DHRS3: variants seen among roughly 807,000 people sequenced by gnomAD.
DHRS3 encodes the protein short-chain dehydrogenase/reductase 3.
A neutral mutation model predicts 27.2 loss-of-function variants in DHRS3; 14 were observed. The ratio of observed to expected loss-of-function variants is 0.52; its 90% CI spans 0.34 to 0.81. The LOEUF (loss-of-function observed/expected upper bound fraction) is 0.81, where lower values mean the gene tolerates loss of function less well. Ranked by LOEUF, DHRS3 falls within the 30% of genes least tolerant of loss-of-function variation. DHRS3 has a pLI of 0.01. For synonymous variants in DHRS3, 165 were observed against 175.9 expected, an observed-to-expected ratio of 0.94 and a Z score of 0.49; for missense variants, 322 against 406.2, an observed-to-expected ratio of 0.79 and a Z score of 1.78.
intron 1 of DHRS3, among the ~76,000 whole-genome samples, chr1:12,610,595 C>T (rs758176678): frequency 1.5e-4 from 23 of 152,086 alleles, no homozygotes; most frequent in African/African-American, 2.9e-4. Flanking sequence ...TTTGCTAACC[C>T]GGCACTTTCT....
Position 12,593,931 on chromosome 1 carries a change from G to T in DHRS3, c.196-13265C>A, listed in dbSNP as rs982304026. 6.6e-6 allele frequency among the ~76,000 whole-genome samples: 1 copy of T among 152,214 alleles called. No individual in the cohort carries two copies. Among genetic ancestry groups the T allele is most frequent in the Admixed American group, 6.5e-5 (1 of 15,286 alleles). Reference sequence around the variant, plus strand: ...CCCCAGCCTACAAGACTGGCCAGGGGCTCCACCTCCATCTGACTGCCCAGG... The same window carrying T: ...CCCCAGCCTACAAGACTGGCCAGGGTCTCCACCTCCATCTGACTGCCCAGG... On this transcript the variant is annotated intron_variant, in intron 1 of 5. Transcript: ENST00000616661. The surrounding 1 kb of genome is among the most constrained non-coding windows in gnomAD (Gnocchi z 4.6).
At chr1:12,577,287 C>A (rs1436748839) in intron 4 of DHRS3, among the ~76,000 whole-genome samples, 1 of 152,212 alleles carries the variant, frequency 6.6e-6, no homozygotes, top group African/African-American at 2.4e-5. Flanking sequence ...ATATGTACCA[C>A]ACACGGTGTT....
intron 1 of DHRS3, among the ~76,000 whole-genome samples, chr1:12,610,768 T>A (rs1646904000): frequency 6.6e-6 from 1 of 152,256 alleles, no homozygotes; most frequent in South Asian, 2.1e-4. Flanking sequence ...GTGGTTCATC[T>A]GAATAATATG....
At chr1:12,602,750 G>T (rs1471218130) in intron 1 of DHRS3, among the ~76,000 whole-genome samples, 3 of 152,222 alleles carry the variant, frequency 2.0e-5, no homozygotes, top group Admixed American at 6.5e-5. Context: ...GCCCAGAGAG[G>T]GTTGCTCGCC....
chr1:12,602,955 C>T (rs559005616), intron 1 of DHRS3, among the ~76,000 whole-genome samples: 11 of 152,366 alleles, frequency 7.2e-5, no homozygotes, highest in Admixed American at 5.9e-4. Context: ...GTTGTCAAGG[C>T]ACACTCTCCC....
intron 1 of DHRS3, among the ~76,000 whole-genome samples, chr1:12,581,889 T>C (rs568832495): frequency 6.6e-6 from 1 of 152,350 alleles, no homozygotes; most frequent in Non-Finnish European, 1.5e-5. Flanking sequence ...GGTGGGCTTC[T>C]ATTTTTGTTT....
In DHRS3 at chr1:12,580,295, G is replaced by A. The variant is rs188448031; in HGVS notation, c.339+228C>T. 8.1e-4 allele frequency: 468 copies of A among 576,974 alleles called. 2 individuals are homozygous for A. In the East Asian group the frequency reaches 0.015, roughly 18 times the overall value. 35.7% of individuals were successfully genotyped at this position (576,974 alleles called of 1,614,324 possible). A position where few individuals can be genotyped will look rare whatever the true frequency, so the allele number is the denominator to read the frequency against. ...ACAGTCCTGGAGAGAAACCCACACG[G>A]TCTACATTTCCAAGGGAACAACAGA... On this transcript the variant is annotated intron_variant, in intron 2 of 5. Transcript: ENST00000616661.
In DHRS3 at chr1:12,574,613, C is replaced by T. The variant is rs1646569331; in HGVS notation, c.699-1760G>A. On this transcript the variant is annotated intron_variant, in intron 4 of 5. Coordinates refer to ENST00000616661, the MANE Select transcript of DHRS3 (RefSeq NM_004753.7). The surrounding 1 kb of genome is among the most constrained non-coding windows in gnomAD (Gnocchi z 4.6). Reference sequence around the variant, plus strand: ...GGCGGTCTGGATTCTCTGGCTTCCACCTGTGGCCTGGCCTGTCTCTTGGGA... The same window carrying T: ...GGCGGTCTGGATTCTCTGGCTTCCATCTGTGGCCTGGCCTGTCTCTTGGGA... Among the ~76,000 whole-genome samples, 1 of 152,198 alleles carries T rather than the reference C, an allele frequency of 6.6e-6. No homozygotes were observed. The highest frequency in any genetic ancestry group is 1.5e-5 in the Non-Finnish European group (1 of 68,042).
At chr1:12,580,382 G>T in intron 2 of DHRS3, 141 bp downstream of exon 2, 3 of 1,118,838 alleles carry the variant, frequency 2.7e-6, no homozygotes, top group East Asian at 5.1e-5. Flanking sequence ...CCAGCTTCAT[G>T]GGAGAGTCCC....
At position 12,586,838 on chromosome 1, in the gene DHRS3, A is replaced by T. The variant is rs1053653527; in HGVS notation, c.196-6172T>A. ...CTCACTGTCCTGTAAGAGAAAGCAC[A>T]TCTCCTCTCTTCAAGGGGTCCTGTG... On this transcript the variant is annotated intron_variant, in intron 1 of 5. Transcript: ENST00000616661. This position sits in a 1 kb window ranked among gnomAD's most constrained non-coding sequence, Gnocchi z 5.0. Among the ~76,000 whole-genome samples the T allele has an allele frequency of 4.0e-5, 6 of 151,218 alleles. No individual in the cohort carries two copies. Among genetic ancestry groups the T allele is most frequent in the African/African-American group, 1.5e-4 (6 of 40,642 alleles).
chr1:12,601,747 A>G (rs979885111), intron 1 of DHRS3, among the ~76,000 whole-genome samples: 1 of 152,130 alleles, frequency 6.6e-6, no homozygotes, highest in Non-Finnish European at 1.5e-5. Context: ...CTGGGTTCCA[A>G]TCCTGCTGGG....
At chr1:12,579,048 C>T (rs1646618450) in intron 3 of DHRS3, 92 bp from the exon 4 acceptor site, 6 of 1,315,712 alleles carry the variant, frequency 4.6e-6, no homozygotes, top group Admixed American at 2.0e-5. Context: ...CCCGGACACA[C>T]ATGATGCTCT....
intron 5 of DHRS3, 25 bp downstream of exon 5, chr1:12,572,703 A>G: frequency 6.4e-7 from 1 of 1,569,470 alleles, no homozygotes; most frequent in Non-Finnish European, 8.6e-7. Context: ...CCCCTGACCC[A>G]GAGTGTTCTT....
intron 1 of DHRS3, among the ~76,000 whole-genome samples, chr1:12,585,921 A>C (rs1646693657): frequency 6.6e-6 from 1 of 152,230 alleles, no homozygotes; most frequent in South Asian, 2.1e-4. Context: ...GACAGGCAGC[A>C]GCTGGGAAGG....
intron 1 of DHRS3, chr1:12,596,023 TGCC>T (rs1424463074): frequency 1.3e-5 from 2 of 152,276 alleles, no homozygotes; most frequent in Non-Finnish European, 2.9e-5. Flanking sequence ...AGATGCAAGG[TGCC>T]AGCAGCCTCC....
chr1:12,604,778 CGGTGGCTCACGCCTGTA>C (rs1048064782), intron 1 of DHRS3, among the ~76,000 whole-genome samples: 6 of 152,152 alleles, frequency 3.9e-5, no homozygotes, highest in Non-Finnish European at 8.8e-5. Context: ...TGGCCGGGTG[CGGTGGCTCACGCCTGTA>C]ATCCCCGCAC....
intron 1 of DHRS3, among the ~76,000 whole-genome samples, chr1:12,605,057 G>A (rs1205954547): frequency 3.6e-5 from 5 of 139,784 alleles, no homozygotes; most frequent in African/African-American, 5.4e-5. Flanking sequence ...TCCAGCCTGC[G>A]CGACTGGCAA....
chr1:12,587,955 C>G (rs1384758192), intron 1 of DHRS3, among the ~76,000 whole-genome samples: 1 of 152,202 alleles, frequency 6.6e-6, no homozygotes, highest in Non-Finnish European at 1.5e-5. Context: ...AGGGAGGGAG[C>G]CTGCCGGGGA....
chr1:12,576,061 A>G (rs1415842375), intron 4 of DHRS3, among the ~76,000 whole-genome samples: 3 of 152,186 alleles, frequency 2.0e-5, no homozygotes, highest in African/African-American at 7.2e-5. Context: ...GAAGCAGAGA[A>G]AAGTCAAGTA....
Sources: allele counts gnomAD v4.1 joint callset (sites outside exome capture counted in the v4.1 genomes callset), GRCh38; gene constraint gnomAD v4.1.1; non-coding constraint Gnocchi (gnomAD v3.1); transcripts MANE v1.5; gene names NCBI Gene and HGNC (gene_info 2026-07-23, HGNC 2026-07-21).